PCDHGA12: variants seen among roughly 807,000 people sequenced by gnomAD.
The protein encoded by PCDHGA12 is protocadherin gamma-A12.
A neutral mutation model predicts 61.1 loss-of-function variants in PCDHGA12; 43 were observed. That is an observed-to-expected ratio of 0.70 (90% CI 0.55 to 0.91). PCDHGA12 has a LOEUF of 0.91. PCDHGA12 is among the 40% of genes least tolerant of loss of function. PCDHGA12 has a pLI of 0.00. For synonymous variants in PCDHGA12, 520 were observed against 542.9 expected, an observed-to-expected ratio of 0.96 and a Z score of 0.59; for missense variants, 1,236 against 1,227.7, an observed-to-expected ratio of 1.01 and a Z score of -0.10.
At chr5:141,495,089 C>G (rs1440289878) in intron 2 of PCDHGA12, among the ~76,000 whole-genome samples, 2 of 152,284 alleles carry the variant, frequency 1.3e-5, no homozygotes, top group East Asian at 3.9e-4. Flanking sequence ...TGCCCCTTCC[C>G]TCCTCGCCAC....
intron 2 of PCDHGA12, among the ~76,000 whole-genome samples, chr5:141,498,971 G>GGGAAGGAAGGAAGGAAGGAAGGAAGGAA (rs201769957): frequency 9.0e-6 from 1 of 110,972 alleles, no homozygotes; most frequent in Non-Finnish European, 1.8e-5. Flanking sequence ...GAGGGAGGGA[G>GGGAAGGAAGGAAGGAAGGAAGGAAGGAA]GGAAGGAAGG....
At position 141,487,946 on chromosome 5, in the gene PCDHGA12, C is replaced by G. The variant is rs187890859; in HGVS notation, c.2425-6861C>G. 7.9e-5 allele frequency among the ~76,000 whole-genome samples: 12 copies of G among 152,298 alleles called. No homozygotes were observed. The highest frequency in any genetic ancestry group is 7.8e-4 in the Admixed American group (12 of 15,304). Reference sequence around the variant, plus strand: ...AGTGCACAGGGTACAGTGCACCAGGCAGTCACTTGGACAAAGGTGGCTGTT... The same window carrying G: ...AGTGCACAGGGTACAGTGCACCAGGGAGTCACTTGGACAAAGGTGGCTGTT... On this transcript the variant is annotated intron_variant, in intron 1 of 3. Transcript: ENST00000252085. The surrounding 1 kb of genome is among the most constrained non-coding windows in gnomAD (Gnocchi z 5.0).
chr5:141,473,887 C>T (rs887871337), intron 1 of PCDHGA12, among the ~76,000 whole-genome samples: 3 of 152,144 alleles, frequency 2.0e-5, no homozygotes, highest in Non-Finnish European at 2.9e-5. Context: ...CACAAGGGTT[C>T]TGTTGGTTCA....
rs1349189547 is a variant in PCDHGA12 at position 141,432,777 on chromosome 5, C to T, written c.2018C>T (p.Ala673Val). Reference sequence around the variant, plus strand: ...GCCGACAGCATCCCCCAAGTCCTGGCGGACCTCGGCAGCCTCGAGTCTCCA... The same window carrying T: ...GCCGACAGCATCCCCCAAGTCCTGGTGGACCTCGGCAGCCTCGAGTCTCCA... ...AVADSIPQVL[A>V]DLGSLESPAN... The change falls in exon 1 of 4, where the codon GCG (alanine) becomes GTG (valine). Residue 673 changes from alanine (A) to valine (V), a missense_variant. Coordinates refer to ENST00000252085, the MANE Select transcript of PCDHGA12 (RefSeq NM_003735.3). This position sits in a 1 kb window ranked among gnomAD's most constrained non-coding sequence, Gnocchi z 6.0. The T allele has an allele frequency of 6.2e-6, 10 of 1,614,154 alleles. No individual in the cohort carries two copies. The highest frequency in any genetic ancestry group is 7.6e-6 in the Non-Finnish European group (9 of 1,179,992).
At position 141,486,004 on chromosome 5, in the gene PCDHGA12, C is replaced by T; in HGVS notation, c.2425-8803C>T. The T allele has an allele frequency of 6.2e-7, 1 of 1,614,184 alleles. No homozygotes were observed. The highest frequency in any genetic ancestry group is 8.5e-7 in the Non-Finnish European group (1 of 1,180,008). The stretch of plus-strand genomic sequence containing the variant: ...CGGACCTGGGTCCCAGTGGTAACGT[C>T]ACCTTTTATTTCAGTGGTCATACCC... On this transcript the variant is annotated intron_variant, in intron 1 of 3. Coordinates refer to ENST00000252085, the MANE Select transcript of PCDHGA12 (RefSeq NM_003735.3). This position sits in a 1 kb window ranked among gnomAD's most constrained non-coding sequence, Gnocchi z 5.0.
intron 1 of PCDHGA12, among the ~76,000 whole-genome samples, chr5:141,439,398 T>C (rs2098110369): frequency 6.6e-6 from 1 of 152,212 alleles, no homozygotes; most frequent in Admixed American, 6.5e-5. Context: ...TTCGACTTCA[T>C]GTGCTAACAT....
rs567174433 is a variant in PCDHGA12, at chr5:141,443,351, G to A, written c.2424+10168G>A. On this transcript the variant is annotated intron_variant, in intron 1 of 3. Coordinates refer to ENST00000252085, the MANE Select transcript of PCDHGA12 (RefSeq NM_003735.3). ...AAAACAAAAATTAACAAGGTTTAGT[G>A]GTCCATGCCTGTGGTCTCAGCTACT... 6.6e-5 allele frequency among the ~76,000 whole-genome samples: 10 copies of A among 152,072 alleles called. No homozygotes were observed. The South Asian group carries it at 2.1e-3, about 32-fold the overall frequency.
intron 1 of PCDHGA12, chr5:141,441,986 C>A (rs2098288559): frequency 1.1e-5 from 3 of 269,098 alleles, no homozygotes; most frequent in South Asian, 7.5e-5. Context: ...GAATGCGCAC[C>A]GACGAGGTGC....
chr5:141,435,733 T>C (rs950139563), intron 1 of PCDHGA12, among the ~76,000 whole-genome samples: 12 of 152,208 alleles, frequency 7.9e-5, no homozygotes, highest in African/African-American at 2.7e-4. Context: ...AGTGTATTAC[T>C]CTTTGAAAAG....
intron 1 of PCDHGA12, chr5:141,471,461 T>C (rs1409374601): frequency 6.6e-6 from 1 of 152,194 alleles, no homozygotes; most frequent in Non-Finnish European, 1.5e-5. Flanking sequence ...GAAAGATTAC[T>C]CAGGTCTCTG....
In PCDHGA12 at chr5:141,487,605, A is replaced by G. The variant is rs202066746; in HGVS notation, c.2425-7202A>G. Reference sequence around the variant, plus strand: ...AGCTGCCCACCCTCTGATCTTCTCTATGGGCTAGAGGTGAGACCTTTGCAG... The same window carrying G: ...AGCTGCCCACCCTCTGATCTTCTCTGTGGGCTAGAGGTGAGACCTTTGCAG... On this transcript the variant is annotated intron_variant, in intron 1 of 3. Transcript: ENST00000252085. The surrounding 1 kb of genome is among the most constrained non-coding windows in gnomAD (Gnocchi z 5.0). 8.7e-6 allele frequency: 14 copies of G among 1,614,008 alleles called. No individual in the cohort carries two copies. In the South Asian group the frequency reaches 8.8e-5, roughly 10 times the overall value.
intron 1 of PCDHGA12, among the ~76,000 whole-genome samples, chr5:141,460,763 T>A (rs904048213): frequency 4.6e-5 from 7 of 152,170 alleles, no homozygotes; most frequent in Admixed American, 1.3e-4. Context: ...ATATACATAT[T>A]GCATATGTAT....
At chr5:141,468,802 C>G (rs928501013) in intron 1 of PCDHGA12, among the ~76,000 whole-genome samples, 1 of 151,620 alleles carries the variant, frequency 6.6e-6, no homozygotes, top group African/African-American at 2.4e-5. Context: ...GGAGGCGGAA[C>G]TTGCAGTGAG....
At chr5:141,503,116 A>G (rs1303445673) in intron 2 of PCDHGA12, among the ~76,000 whole-genome samples, 11 of 151,656 alleles carry the variant, frequency 7.3e-5, no homozygotes, top group Admixed American at 4.6e-4. Flanking sequence ...GCCTCTCTTC[A>G]TACCCTCTGG....
At chr5:141,505,305 C>T (rs1363643214) in intron 2 of PCDHGA12, 88 bp from the exon 3 acceptor site, 2 of 1,595,104 alleles carry the variant, frequency 1.3e-6, no homozygotes, top group Admixed American at 1.7e-5. Flanking sequence ...GGTTAGGGTA[C>T]TAGGTTTGGG....
intron 1 of PCDHGA12, among the ~76,000 whole-genome samples, chr5:141,448,007 AC>A (rs1430481139): frequency 1.3e-5 from 2 of 151,784 alleles, no homozygotes; most frequent in Non-Finnish European, 2.9e-5. Context: ...AATCGCTTGA[AC>A]CCAGGAGGTG....
chr5:141,432,601 G>C lies in PCDHGA12; in HGVS notation c.1842G>C (p.Pro614=). The C allele has an allele frequency of 6.2e-7, 1 of 1,613,952 alleles. No homozygotes were observed. The highest frequency in any genetic ancestry group is 8.5e-7 in the Non-Finnish European group (1 of 1,179,984). Residue 614 remains proline (P), a synonymous_variant, in exon 1 of 4, where the codon CCG becomes CCC. Coordinates refer to ENST00000252085, the MANE Select transcript of PCDHGA12 (RefSeq NM_003735.3). The surrounding 1 kb of genome is among the most constrained non-coding windows in gnomAD (Gnocchi z 6.0). The part of the protein sequence containing the change: ...LSYRLLKASE[P]GLFSVGLHTG... ...ACCGTCTGCTCAAGGCCAGCGAGCC[G>C]GGACTCTTCTCGGTGGGTCTGCACA...
At position 141,430,883 on chromosome 5, in the gene PCDHGA12, G is replaced by T; in HGVS notation, c.124G>T (p.Gly42Cys). Residue 42 changes from glycine (G) to cysteine (C), a missense_variant, in exon 1 of 4, where the codon GGC (glycine) becomes TGC (cysteine). Physicochemically the swap from Gly to Cys is radical, Grantham distance 159. Transcript: ENST00000252085. ...TTCAGTTCCGGAAGAGCTGGAGAAAGGCTCTAGGGTGGGCGACATCTCCAG... is the reference window on the plus strand; with the variant it reads ...TTCAGTTCCGGAAGAGCTGGAGAAATGCTCTAGGGTGGGCGACATCTCCAG... The part of the protein sequence containing the change: ...RYSVPEELEK[G>C]SRVGDISRDL... The T allele has an allele frequency of 6.2e-7, 1 of 1,601,036 alleles. No homozygotes were observed. The highest frequency in any genetic ancestry group is 8.5e-7 in the Non-Finnish European group (1 of 1,175,060).
intron 1 of PCDHGA12, among the ~76,000 whole-genome samples, chr5:141,456,859 A>C (rs2098893194): frequency 6.6e-6 from 1 of 152,152 alleles, no homozygotes; most frequent in Admixed American, 6.6e-5. Context: ...GCTAATTGGG[A>C]GGCTGAGGCA....
Sources: gnomAD v4.1 joint callset for allele counts (sites outside exome capture counted in the v4.1 genomes callset) on GRCh38, gnomAD v4.1.1 for gene constraint, Gnocchi (gnomAD v3.1) non-coding constraint, MANE v1.5 for transcripts, NCBI Gene and HGNC (gene_info 2026-07-23, HGNC 2026-07-21) for gene names.